Variants in THADA observed in about 807,000 individuals in gnomAD.
The protein encoded by THADA is THADA armadillo repeat containing.
THADA carries 213 observed loss-of-function variants against 219.8 expected under a neutral mutation model. The observed-to-expected ratio is 0.97, with a 90% CI of 0.87 to 1.09. THADA has a LOEUF of 1.09. THADA is among the 50% of genes least tolerant of loss of function. The pLI, the probability that THADA is intolerant of heterozygous loss-of-function variation, is 0.00. For missense variants in THADA, 2,956 were observed against 2,311.3 expected (o/e 1.28, Z -5.72); for synonymous variants, 1,018 against 828.9 (o/e 1.23, Z -3.92).
intron 29 of THADA, among the ~76,000 whole-genome samples, chr2:43,356,302 G>A (rs544132456): frequency 2.6e-5 from 4 of 151,956 alleles, no homozygotes; most frequent in Non-Finnish European, 5.9e-5. Flanking sequence ...AGAATCAAAT[G>A]TAAAAAAGAA....
rs1296425975 is a variant in THADA, at chr2:43,515,371, A to T, written c.3375-6591T>A. ...ATATTTTATATATAATATATAATAT[A>T]TAATATATAATATTTTATATATAAT... On this transcript the variant is annotated intron_variant, in intron 22 of 37. Transcript: ENST00000405975. Among the ~76,000 whole-genome samples the T allele has an allele frequency of 1.6e-4, 15 of 96,642 alleles. 1 individual carries two copies. In the South Asian group the frequency reaches 1.8e-3, roughly 12 times the overall value. 63.4% of individuals were successfully genotyped at this position (96,642 alleles called of 152,430 possible). A position where few individuals can be genotyped will look rare whatever the true frequency, so the allele number is the denominator to read the frequency against.
chr2:43,378,439 G>C (rs1057306536), intron 29 of THADA, among the ~76,000 whole-genome samples: 2 of 152,142 alleles, frequency 1.3e-5, no homozygotes, highest in African/African-American at 2.4e-5. Context: ...CTTGAGTATA[G>C]TTAATATAAC....
chr2:43,388,885 G>T (rs191633194), intron 29 of THADA, among the ~76,000 whole-genome samples: 2 of 151,288 alleles, frequency 1.3e-5, no homozygotes, highest in South Asian at 2.1e-4. Context: ...TTTAGCTCAA[G>T]GTCTTTTACT....
intron 26 of THADA, among the ~76,000 whole-genome samples, chr2:43,471,204 TATATC>T (rs1400002847): frequency 3.3e-5 from 5 of 152,158 alleles, no homozygotes; most frequent in African/African-American, 1.2e-4. Flanking sequence ...TATTGACAAT[TATATC>T]ATAGAGTATC....
At chr2:43,381,430 C>T (rs1046666410) in intron 29 of THADA, among the ~76,000 whole-genome samples, 1 of 152,118 alleles carries the variant, frequency 6.6e-6, no homozygotes, top group Admixed American at 6.5e-5. Flanking sequence ...TTCCTTCTCC[C>T]AAGCCCCTGA....
At chr2:43,303,991 T>G (rs991870967) in intron 31 of THADA, among the ~76,000 whole-genome samples, 1 of 152,226 alleles carries the variant, frequency 6.6e-6, no homozygotes, top group Non-Finnish European at 1.5e-5. Context: ...TCAGACCATC[T>G]GACATCATCC....
chr2:43,325,788 A>G (rs965196546), intron 30 of THADA, among the ~76,000 whole-genome samples: 1 of 152,260 alleles, frequency 6.6e-6, no homozygotes, highest in Non-Finnish European at 1.5e-5. Context: ...CTTGCTAAGA[A>G]TAATTTTTAA....
chr2:43,316,000 C>A (rs1474513210), intron 31 of THADA, among the ~76,000 whole-genome samples: 5 of 152,190 alleles, frequency 3.3e-5, no homozygotes, highest in Non-Finnish European at 5.9e-5. Context: ...CTCAGCCTCA[C>A]CAGTCACACC....
chr2:43,558,296 A>C (rs1471475310), intron 16 of THADA, among the ~76,000 whole-genome samples: 4 of 152,162 alleles, frequency 2.6e-5, no homozygotes, highest in Admixed American at 6.5e-5. Flanking sequence ...ACTGCTGTAC[A>C]CTTAACTGTA....
intron 26 of THADA, chr2:43,430,738 T>C: frequency 2.2e-6 from 1 of 445,422 alleles, no homozygotes; most frequent in South Asian, 1.6e-5. Context: ...TAACTCTTTG[T>C]TTCAGGGGAC....
At chr2:43,501,307 CAAAAAA>C (rs60448094) in intron 24 of THADA, among the ~76,000 whole-genome samples, 2,610 of 14,240 alleles carry the variant, frequency 0.18, 6 homozygotes, top group South Asian at 0.25. Context: ...ACTCCAACTC[CAAAAAA>C]AAAAAAAAAA....
At chr2:43,276,301 A>G (rs1672719498) in intron 36 of THADA, among the ~76,000 whole-genome samples, 1 of 152,164 alleles carries the variant, frequency 6.6e-6, no homozygotes, top group Non-Finnish European at 1.5e-5. Context: ...TGCTTTGGAC[A>G]TTGCAGGGAG....
intron 36 of THADA, among the ~76,000 whole-genome samples, chr2:43,260,744 G>A (rs1670839590): frequency 6.6e-6 from 1 of 152,122 alleles, no homozygotes. Context: ...GTCAGAATGT[G>A]GCCTAGGAAG....
At chr2:43,260,724 T>G (rs953084192) in intron 36 of THADA, among the ~76,000 whole-genome samples, 1 of 152,238 alleles carries the variant, frequency 6.6e-6, no homozygotes, top group Admixed American at 6.5e-5. Flanking sequence ...TCTAGTGTGC[T>G]TGCAATTTGG....
chr2:43,356,537 G>A (rs1212999449), intron 29 of THADA, among the ~76,000 whole-genome samples: 1 of 152,096 alleles, frequency 6.6e-6, no homozygotes, highest in Non-Finnish European at 1.5e-5. Context: ...TTCCCCTAAG[G>A]AACAAAATTT....
intron 29 of THADA, among the ~76,000 whole-genome samples, chr2:43,382,230 G>A (rs1220854641): frequency 1.3e-5 from 2 of 152,154 alleles, no homozygotes; most frequent in African/African-American, 4.8e-5. Flanking sequence ...TGAATAAAAC[G>A]TGTGGCGTTA....
At chr2:43,310,345 A>G (rs1677368260) in intron 31 of THADA, among the ~76,000 whole-genome samples, 1 of 151,930 alleles carries the variant, frequency 6.6e-6, no homozygotes, top group African/African-American at 2.4e-5. Flanking sequence ...TCAAGTTACT[A>G]TGAAGTAATG....
chr2:43,526,615 C>T (rs1293174448), intron 22 of THADA, among the ~76,000 whole-genome samples: 3 of 152,126 alleles, frequency 2.0e-5, no homozygotes, highest in Admixed American at 2.0e-4. Context: ...TCAAGTGTGT[C>T]GGTCTTACTT....
At chr2:43,558,113 G>T (rs1170427157) in intron 16 of THADA, among the ~76,000 whole-genome samples, 2 of 152,160 alleles carry the variant, frequency 1.3e-5, no homozygotes, top group East Asian at 1.9e-4. Flanking sequence ...AAATGTCTTT[G>T]TTCCGTCATC....
Sources: gnomAD v4.1 joint callset for allele counts (sites outside exome capture counted in the v4.1 genomes callset) on GRCh38, gnomAD v4.1.1 for gene constraint, MANE v1.5 for transcripts, NCBI Gene and HGNC (gene_info 2026-07-23, HGNC 2026-07-21) for gene names.